Variants in FBH1 observed in about 807,000 individuals in gnomAD.
The protein encoded by FBH1 is F-box DNA helicase 1, also known as DNA 3'-5' helicase 1.
Under a neutral mutation model 115.5 loss-of-function variants are expected in FBH1, and 43 were observed. The ratio of observed to expected loss-of-function variants is 0.37; its 90% confidence interval spans 0.29 to 0.48. The LOEUF (loss-of-function observed/expected upper bound fraction) is 0.48, where lower values mean the gene tolerates loss of function less well. Ranked by LOEUF, FBH1 falls within the 20% of genes least tolerant of loss-of-function variation. FBH1 has a pLI of 0.99. For missense variants in FBH1, 1,001 were observed against 1,337.3 expected, an observed-to-expected ratio of 0.75 and a Z score of 3.92; for synonymous variants, 524 against 507.8, an observed-to-expected ratio of 1.03 and a Z score of -0.43.
rs111226338 is a variant in FBH1 at position 5,924,229 on chromosome 10, A to ACG, written c.2399-82_2399-81insCG. The ACG allele has an allele frequency of 1.2e-5, 17 of 1,395,312 alleles. 1 individual carries two copies. The Admixed American group carries it at 2.7e-4, about 22-fold the overall frequency. The allele number at this position is 1,395,312 out of a possible 1,614,324, so 86.4% of individuals were successfully genotyped here. A position where few individuals can be genotyped will look rare whatever the true frequency, so the allele number is the denominator to read the frequency against. On this transcript the variant is annotated intron_variant, in intron 16 of 20. Transcript: ENST00000362091. This position sits in a 1 kb window ranked among gnomAD's most constrained non-coding sequence, Gnocchi z 6.2. Reference sequence around the variant, plus strand: ...ACTTTAAGACCATCTGCTCTTGCGCAGCTGCTTAGGAACGTGCAGCACCTG... The same window carrying ACG: ...ACTTTAAGACCATCTGCTCTTGCGCACGGCTGCTTAGGAACGTGCAGCACCTG...
chr10:5,894,941 A>G (rs1322853041), intron 1 of FBH1: 10 of 1,181,304 alleles, frequency 8.5e-6, no homozygotes, highest in Non-Finnish European at 1.2e-5. Context: ...TCTCGGGTGT[A>G]CAGGGCGGTT....
At position 5,933,642 on chromosome 10, in the gene FBH1, GTTTTTT is replaced by G. The variant is rs371766916; in HGVS notation, c.2830-2803_2830-2798del. On this transcript the variant is annotated intron_variant, in intron 19 of 20. Transcript: ENST00000362091. The surrounding 1 kb of genome is among the most constrained non-coding windows in gnomAD (Gnocchi z 4.9). ...TTGTTAGAAGTGGAGGCACTCTGCT[GTTTTTT>G]TTTTTTTTTTAAAAAACAGAGTCTC... is the stretch of plus-strand genomic sequence containing the variant. Among the ~76,000 whole-genome samples, 2 of 143,358 alleles carry G rather than the reference GTTTTTT, an allele frequency of 1.4e-5. No homozygotes were observed. The highest frequency in any genetic ancestry group is 2.5e-5 in the African/African-American group (1 of 39,528). 94.0% of individuals were successfully genotyped at this position (143,358 alleles called of 152,430 possible).
chr10:5,911,458 T>C lies in FBH1; in HGVS notation c.1211+330T>C, dbSNP rs1017821866. On this transcript the variant is annotated intron_variant, in intron 6 of 20. Coordinates refer to ENST00000362091, the MANE Select transcript of FBH1 (RefSeq NM_178150.3). This position sits in a 1 kb window ranked among gnomAD's most constrained non-coding sequence, Gnocchi z 5.4. ...CCGTGGCCTCGCTTCCCTAGGAAAA[T>C]GTTAGGCTCTACTTCCTCCATATCC... 4.6e-5 allele frequency among the ~76,000 whole-genome samples: 7 copies of C among 152,200 alleles called. No homozygotes were observed. The highest frequency in any genetic ancestry group is 3.9e-4 in the Admixed American group (6 of 15,288).
chr10:5,912,489 G>A (rs1055897575), intron 6 of FBH1, among the ~76,000 whole-genome samples: 5 of 151,604 alleles, frequency 3.3e-5, no homozygotes, highest in East Asian at 1.9e-4. Context: ...AGCAGAGACC[G>A]TGGGGGCTGG....
chr10:5,895,077 T>G lies in FBH1; in HGVS notation c.1+4731T>G. ...ACAGGCTGCCATTGGACCTGTCAAG[T>G]GCCTGAGTCATGTGATAATGGGCTA... On this transcript the variant is annotated intron_variant, in intron 1 of 20. Transcript: ENST00000362091. This position sits in a 1 kb window ranked among gnomAD's most constrained non-coding sequence, Gnocchi z 5.0. 2 of 1,613,686 alleles carry G rather than the reference T, an allele frequency of 1.2e-6. No homozygotes were observed. The highest frequency in any genetic ancestry group is 1.7e-6 in the Non-Finnish European group (2 of 1,179,744).
At chr10:5,890,098 A>G (rs1197406943), upstream of FBH1, 1 of 314,776 alleles carries the variant, frequency 3.2e-6, no homozygotes, top group Non-Finnish European at 5.8e-6. Context: ...GATTGGCGTT[A>G]GTGGCCGTCC....
chr10:5,924,622 C>T lies in FBH1; in HGVS notation c.2596+114C>T. On this transcript the variant is annotated intron_variant, in intron 17 of 20. Transcript: ENST00000362091. This position sits in a 1 kb window ranked among gnomAD's most constrained non-coding sequence, Gnocchi z 6.2. ...TTGCTCTGTTGCCCAGGCTGGAGTG[C>T]AGTGGCGTGATCTTGGCTCACTGCA... The T allele has an allele frequency of 9.2e-7, 1 of 1,090,430 alleles. No homozygotes were observed. Among genetic ancestry groups the T allele is most frequent in the Non-Finnish European group, 1.3e-6 (1 of 746,570 alleles). The allele number at this position is 1,090,430 out of a possible 1,614,324, so 67.5% of individuals were successfully genotyped here. A position where few individuals can be genotyped will look rare whatever the true frequency, so the allele number is the denominator to read the frequency against.
intron 1 of FBH1, chr10:5,894,656 C>T: frequency 4.3e-6 from 3 of 700,726 alleles, no homozygotes; most frequent in Non-Finnish European, 7.9e-6. Flanking sequence ...CCAAGGAAGA[C>T]AGCCCACACT....
At position 5,906,309 on chromosome 10, in the gene FBH1, T is replaced by C; in HGVS notation, c.430T>C (p.Ser144Pro). ...CGGGACCAGCCGGTGGGATGGAGTTTCTAAGAAAGCTCCACGGCACCATTT... is the reference window on the plus strand; with the variant it reads ...CGGGACCAGCCGGTGGGATGGAGTTCCTAAGAAAGCTCCACGGCACCATTT... ...ATGTSRWDGV[S>P]KKAPRHHLSV... is the part of the protein sequence containing the mutation. Residue 144 changes from serine (S) to proline (P), a missense_variant, in exon 3 of 21, where the codon TCT becomes CCT. Transcript: ENST00000362091. The surrounding 1 kb of genome is among the most constrained non-coding windows in gnomAD (Gnocchi z 7.3). The C allele has an allele frequency of 6.2e-7, 1 of 1,614,156 alleles. No homozygotes were observed. The highest frequency in any genetic ancestry group is 8.5e-7 in the Non-Finnish European group (1 of 1,180,014).
intron 13 of FBH1, among the ~76,000 whole-genome samples, chr10:5,919,074 C>T (rs559463615): frequency 6.6e-6 from 1 of 152,336 alleles, no homozygotes; most frequent in East Asian, 1.9e-4. Flanking sequence ...CAGCAGTCTT[C>T]TGTTATGCCA....
At chr10:5,927,402 T>C (rs1335334813) in intron 18 of FBH1, 33 bp from the exon 19 acceptor site, 12 of 1,514,876 alleles carry the variant, frequency 7.9e-6, no homozygotes, top group Non-Finnish European at 1.0e-5. Context: ...CTAAGGCTTT[T>C]TAGTTGATTT....
chr10:5,897,821 T>G lies in FBH1; in HGVS notation c.2-5199T>G, dbSNP rs1319828284. ...GCACTTTCTGTTACTCCTGTGTCTTTGTTAGATTTCTGCAAACACTTAATC... is the reference window on the plus strand; with the variant it reads ...GCACTTTCTGTTACTCCTGTGTCTTGGTTAGATTTCTGCAAACACTTAATC... On this transcript the variant is annotated intron_variant, in intron 1 of 20. Coordinates refer to ENST00000362091, the MANE Select transcript of FBH1 (RefSeq NM_178150.3). The surrounding 1 kb of genome is among the most constrained non-coding windows in gnomAD (Gnocchi z 4.7). 6.6e-6 allele frequency among the ~76,000 whole-genome samples: 1 copy of G among 152,246 alleles called. No homozygotes were observed. Among genetic ancestry groups the G allele is most frequent in the African/African-American group, 2.4e-5 (1 of 41,464 alleles).
Position 5,906,378 on chromosome 10 carries a change from G to C in FBH1, c.499G>C (p.Glu167Gln), listed in dbSNP as rs937670689. 6 of 1,614,212 alleles carry C rather than the reference G, an allele frequency of 3.7e-6. No homozygotes were observed. The highest frequency in any genetic ancestry group is 5.1e-6 in the Non-Finnish European group (6 of 1,179,992). Residue 167 changes from glutamate (E) to glutamine (Q), a missense_variant, in exon 3 of 21, where the codon GAG (glutamate) becomes CAG (glutamine). Glu to Gln is a conservative substitution (Grantham distance 29). Transcript: ENST00000362091. This position sits in a 1 kb window ranked among gnomAD's most constrained non-coding sequence, Gnocchi z 7.3. The part of the protein sequence containing the change: ...TRPREARQEA[E>Q]DSTSRLSAES... ...GCCTAGGGAGGCCAGGCAAGAAGCA[G>C]AGGACAGTACGTCTCGGCTCTCTGC...
Position 5,924,832 on chromosome 10 carries a change from C to T in FBH1, c.2596+324C>T. 2 of 455,024 alleles carry T rather than the reference C, an allele frequency of 4.4e-6. No homozygotes were observed. Among genetic ancestry groups the T allele is most frequent in the Non-Finnish European group, 4.3e-6 (1 of 231,716 alleles). 28.2% of individuals were successfully genotyped at this position (455,024 alleles called of 1,614,324 possible). ...CTGCCCACCTCGACCTCCCAAAGTG[C>T]TAGAATTACAGGCGTGAGCCACTGC... On this transcript the variant is annotated intron_variant, in intron 17 of 20. Transcript: ENST00000362091. The surrounding 1 kb of genome is among the most constrained non-coding windows in gnomAD (Gnocchi z 6.2).
chr10:5,927,363 A>T (rs1832716686), intron 18 of FBH1, 72 bp from the exon 19 acceptor site: 4 of 1,111,728 alleles, frequency 3.6e-6, no homozygotes, highest in South Asian at 1.5e-5. Context: ...GTAAACATTT[A>T]GATGAGACAT....
upstream of FBH1, chr10:5,889,865 T>A (rs943102781): frequency 6.3e-6 from 1 of 158,892 alleles, no homozygotes; most frequent in African/African-American, 2.4e-5. Flanking sequence ...AAGCGTGACC[T>A]GCCCCGCACG....
Position 5,903,174 on chromosome 10 carries a change from G to C in FBH1, c.156G>C (p.Arg52Ser). ...AACCGAGAACAAAAAGAGGGAGTAG[G>C]GGTATGTCTCCTCTAAAACTCTTGC... ...YPKPRTKRGS[R>S]GQGSQRCIPE... Residue 52 changes from arginine to serine, a missense_variant and splice_region_variant, in exon 2 of 21, where the codon AGG becomes AGC. This residue lies in a region of FBH1 where 420 missense variants were observed against 430.4 expected (regional missense o/e 0.98). Coordinates refer to ENST00000362091, the MANE Select transcript of FBH1 (RefSeq NM_178150.3). 6.2e-7 allele frequency: 1 copy of C among 1,604,420 alleles called. No individual in the cohort carries two copies. The highest frequency in any genetic ancestry group is 8.5e-7 in the Non-Finnish European group (1 of 1,175,228).
intron 2 of FBH1, among the ~76,000 whole-genome samples, chr10:5,903,943 C>T (rs1468772157): frequency 6.6e-6 from 1 of 152,226 alleles, no homozygotes; most frequent in African/African-American, 2.4e-5. Context: ...GCTAAATCAA[C>T]TGGAATGTCC....
Position 5,924,007 on chromosome 10 carries a change from A to G in FBH1, c.2399-304A>G. 1.8e-6 allele frequency: 1 copy of G among 560,132 alleles called. No individual in the cohort carries two copies. The highest frequency in any genetic ancestry group is 3.2e-6 in the Non-Finnish European group (1 of 315,164). 34.7% of individuals were successfully genotyped at this position (560,132 alleles called of 1,614,324 possible). A position where few individuals can be genotyped will look rare whatever the true frequency, so the allele number is the denominator to read the frequency against. ...GATACTTCCACGTGGGCCCCAAGTGATAGCGTCGAGCATTTCTATAGCGCT... is the reference window on the plus strand; with the variant it reads ...GATACTTCCACGTGGGCCCCAAGTGGTAGCGTCGAGCATTTCTATAGCGCT... On this transcript the variant is annotated intron_variant, in intron 16 of 20. Coordinates refer to ENST00000362091, the MANE Select transcript of FBH1 (RefSeq NM_178150.3). This position sits in a 1 kb window ranked among gnomAD's most constrained non-coding sequence, Gnocchi z 6.2.
Sources: gnomAD v4.1 joint callset for allele counts (sites outside exome capture counted in the v4.1 genomes callset) on GRCh38, gnomAD v4.1.1 for gene constraint, gnomAD v4.1.1 regional missense constraint, Gnocchi (gnomAD v3.1) non-coding constraint, MANE v1.5 for transcripts, NCBI Gene and HGNC (gene_info 2026-07-23, HGNC 2026-07-21) for gene names.